The following MTPN variants were observed in gnomAD, a reference collection of about 807,000 sequenced individuals.
MTPN encodes the protein myotrophin.
MTPN carries 2 observed loss-of-function variants against 13.5 expected under a neutral mutation model. The ratio of observed to expected loss-of-function variants is 0.15; its 90% CI spans 0.06 to 0.47. The LOEUF is 0.47. Among genes scored for constraint, MTPN ranks in the 20% least tolerant of loss-of-function variants. The probability of loss-of-function intolerance (pLI) is 0.97; values close to 1 mark genes in which losing one functional copy is unlikely to be tolerated. For missense variants in MTPN, 79 were observed against 137.9 expected, an observed-to-expected ratio of 0.57 and a Z score of 2.14; for synonymous variants, 46 against 51.7, an observed-to-expected ratio of 0.89 and a Z score of 0.48.
chr7:135,943,079 C>G (rs1160760488), intron 3 of MTPN, among the ~76,000 whole-genome samples: 1 of 152,156 alleles, frequency 6.6e-6, no homozygotes, highest in Non-Finnish European at 1.5e-5. Flanking sequence ...TTCAGTAAGG[C>G]ACTGCTGAGC....
At chr7:135,936,068 C>G (rs911005412) in intron 3 of MTPN, among the ~76,000 whole-genome samples, 2 of 152,170 alleles carry the variant, frequency 1.3e-5, no homozygotes, top group African/African-American at 4.8e-5. Flanking sequence ...CTTCAAGGCA[C>G]TGATTGTTTT....
intron 3 of MTPN, among the ~76,000 whole-genome samples, chr7:135,931,054 G>A (rs1332061730): frequency 6.6e-6 from 1 of 152,042 alleles, no homozygotes; most frequent in African/African-American, 2.4e-5. Flanking sequence ...TAATCCTACA[G>A]AATTTCTCAC....
rs183405833 is a variant in MTPN, at chr7:135,940,397, G to A, written c.270+10202C>T. On this transcript the variant is annotated intron_variant, in intron 3 of 3. Transcript: ENST00000393085. ...AATTTACATATTGATACAGGAGACA[G>A]AGTAAAGACAATTTCTGGTCTTTAC... Among the ~76,000 whole-genome samples the A allele has an allele frequency of 8.8e-4, 134 of 152,266 alleles. 1 individual carries two copies. The highest frequency in any genetic ancestry group is 3.1e-3 in the African/African-American group (128 of 41,542).
chr7:135,933,404 T>C (rs1799057703), intron 3 of MTPN, among the ~76,000 whole-genome samples: 1 of 152,164 alleles, frequency 6.6e-6, no homozygotes, highest in African/African-American at 2.4e-5. Context: ...AACCTGTATT[T>C]CTTGTTCCAT....
intron 1 of MTPN, among the ~76,000 whole-genome samples, chr7:135,955,563 T>G (rs1453448955): frequency 1.3e-5 from 2 of 152,192 alleles, no homozygotes; most frequent in Non-Finnish European, 2.9e-5. Context: ...GGATGTTATC[T>G]CAACTCATTC....
chr7:135,932,235 A>G (rs921766989), intron 3 of MTPN: 1 of 152,144 alleles, frequency 6.6e-6, no homozygotes, highest in Admixed American at 6.5e-5. Context: ...GAAGAGATCA[A>G]AAGAGAATAT....
intron 1 of MTPN, among the ~76,000 whole-genome samples, chr7:135,964,963 G>C (rs1397704464): frequency 6.6e-6 from 1 of 152,060 alleles, no homozygotes. Context: ...TGTAAATAAA[G>C]TTTTATTGGA....
chr7:135,976,885 C>G, intron 1 of MTPN, 144 bp downstream of exon 1: 1 of 754,478 alleles, frequency 1.3e-6, no homozygotes, highest in Non-Finnish European at 2.2e-6. Flanking sequence ...TCCCTAGACG[C>G]CCCTCTCTCC....
At chr7:135,958,045 T>C (rs1799469992) in intron 1 of MTPN, among the ~76,000 whole-genome samples, 1 of 149,012 alleles carries the variant, frequency 6.7e-6, no homozygotes, top group South Asian at 2.1e-4. Flanking sequence ...CTAAAACACG[T>C]GGCATTTTAG....
At chr7:135,933,748 T>C (rs1799066878) in intron 3 of MTPN, among the ~76,000 whole-genome samples, 1 of 152,134 alleles carries the variant, frequency 6.6e-6, no homozygotes, top group Admixed American at 6.5e-5. Flanking sequence ...CACAAACTAA[T>C]GAATTAAAAT....
chr7:135,939,689 G>C (rs1799178804), intron 3 of MTPN, among the ~76,000 whole-genome samples: 1 of 149,168 alleles, frequency 6.7e-6, no homozygotes, highest in African/African-American at 2.5e-5. Flanking sequence ...TTCTCGTTTA[G>C]ATCATTGTAG....
intron 3 of MTPN, among the ~76,000 whole-genome samples, chr7:135,931,340 G>A (rs1799017501): frequency 6.6e-6 from 1 of 152,124 alleles, no homozygotes; most frequent in East Asian, 1.9e-4. Context: ...GTGGCAGGAG[G>A]GCGTTTTAAG....
intron 3 of MTPN, among the ~76,000 whole-genome samples, chr7:135,949,056 T>TA (rs1199248384): frequency 2.0e-5 from 3 of 151,894 alleles, no homozygotes; most frequent in African/African-American, 7.3e-5. Flanking sequence ...AAAATAAAAA[T>TA]AAAAAAATCA....
chr7:135,969,238 T>TAAAAAAAAA (rs57871609), intron 1 of MTPN, among the ~76,000 whole-genome samples: 6 of 109,112 alleles, frequency 5.5e-5, no homozygotes, highest in South Asian at 2.9e-4. Context: ...TAAAGTATAA[T>TAAAAAAAAA]AAAAAAAAAA....
chr7:135,967,817 G>A (rs1305640706), intron 1 of MTPN, among the ~76,000 whole-genome samples: 1 of 152,162 alleles, frequency 6.6e-6, no homozygotes, highest in Non-Finnish European at 1.5e-5. Flanking sequence ...TTAGTAAGAA[G>A]GCCAGACCTG....
At chr7:135,968,909 A>T (rs1799646624) in intron 1 of MTPN, among the ~76,000 whole-genome samples, 1 of 152,070 alleles carries the variant, frequency 6.6e-6, no homozygotes, top group African/African-American at 2.4e-5. Context: ...ACACATCATT[A>T]AATCAGTTTG....
intron 1 of MTPN, among the ~76,000 whole-genome samples, chr7:135,966,644 CT>C (rs1470315556): frequency 1.3e-5 from 2 of 152,236 alleles, no homozygotes; most frequent in East Asian, 3.9e-4. Context: ...CACATAACGA[CT>C]TCTGCTGTTT....
chr7:135,966,940 T>C (rs189238727), intron 1 of MTPN, among the ~76,000 whole-genome samples: 58 of 152,252 alleles, frequency 3.8e-4, no homozygotes, highest in Non-Finnish European at 7.5e-4. Flanking sequence ...CTATAAGCAC[T>C]GTAGCTTAAA....
At chr7:135,934,441 G>C (rs569513309) in intron 3 of MTPN, among the ~76,000 whole-genome samples, 1 of 152,214 alleles carries the variant, frequency 6.6e-6, no homozygotes, top group East Asian at 1.9e-4. Context: ...TTCATATTTT[G>C]TAATGATTTG....
Sources: gnomAD v4.1 joint callset for allele counts (sites outside exome capture counted in the v4.1 genomes callset) on GRCh38, gnomAD v4.1.1 for gene constraint, MANE v1.5 for transcripts, NCBI Gene and HGNC (gene_info 2026-07-23, HGNC 2026-07-21) for gene names.